The following CDH2 variants were observed in gnomAD, a reference collection of about 807,000 sequenced individuals.
The protein encoded by CDH2 is cadherin-2.
In CDH2, 17 loss-of-function variants were observed where a neutral mutation model predicts 92.0. The ratio of observed to expected loss-of-function variants is 0.18; its 90% CI spans 0.13 to 0.28. The LOEUF (loss-of-function observed/expected upper bound fraction) is 0.28. CDH2 is among the 10% of genes least tolerant of loss of function. The pLI, the probability that CDH2 is intolerant of heterozygous loss-of-function variation, is 1.00. For synonymous variants in CDH2, 419 were observed against 415.9 expected, an observed-to-expected ratio of 1.01 and a Z score of -0.09; for missense variants, 862 against 1,133.1, an observed-to-expected ratio of 0.76 and a Z score of 3.44.
At chr18:28,006,730 A>G (rs2144020116) in intron 5 of CDH2, among the ~76,000 whole-genome samples, 1 of 151,670 alleles carries the variant, frequency 6.6e-6, no homozygotes, top group South Asian at 2.1e-4. Context: ...AAAAAAAAAA[A>G]AAAAAAAGAA....
At position 27,993,483 on chromosome 18, in the gene CDH2, T is replaced by G. The variant is rs1453280717; in HGVS notation, c.1158+17A>C. 6.2e-7 allele frequency: 1 copy of G among 1,608,120 alleles called. No individual in the cohort carries two copies. Among genetic ancestry groups the G allele is most frequent in the East Asian group, 2.2e-5 (1 of 44,770 alleles). ...AACTACAGACCCAAAGTTGTGTGAG[T>G]GACAGGCTGTACTCACCGTCATGGC... On this transcript the variant is annotated intron_variant, in intron 8 of 15. Transcript: ENST00000269141.
chr18:28,122,673 A>T (rs746902073), intron 2 of CDH2, among the ~76,000 whole-genome samples: 3 of 152,182 alleles, frequency 2.0e-5, no homozygotes, highest in Non-Finnish European at 2.9e-5. Context: ...ATTATAAAAC[A>T]CTAAGAAATA....
intron 14 of CDH2, among the ~76,000 whole-genome samples, chr18:27,972,356 T>G (rs2011686788): frequency 6.6e-6 from 1 of 152,216 alleles, no homozygotes; most frequent in South Asian, 2.1e-4. Flanking sequence ...ACCTCCTGCC[T>G]GCTACAGACC....
rs1482058980 is a variant in CDH2 at position 28,050,073 on chromosome 18, G to A, written c.173-36164C>T. Among the ~76,000 whole-genome samples, 7 of 152,120 alleles carry A rather than the reference G, an allele frequency of 4.6e-5. No homozygotes were observed. In the East Asian group the frequency reaches 7.7e-4, roughly 17 times the overall value. ...AGCAGATCTAGACCAAATCTGCAGC[G>A]TGGATCTAAGCCCAGCCTGGATAAG... On this transcript the variant is annotated intron_variant, in intron 2 of 15. Coordinates refer to ENST00000269141, the MANE Select transcript of CDH2 (RefSeq NM_001792.5).
At chr18:27,982,563 G>C (rs2012089340) in intron 14 of CDH2, among the ~76,000 whole-genome samples, 1 of 152,098 alleles carries the variant, frequency 6.6e-6, no homozygotes, top group Admixed American at 6.5e-5. Flanking sequence ...GTAAATACTT[G>C]GGGAATAAAT....
intron 2 of CDH2, among the ~76,000 whole-genome samples, chr18:28,025,668 T>G (rs1362659331): frequency 6.6e-6 from 1 of 151,708 alleles, no homozygotes; most frequent in Non-Finnish European, 1.5e-5. Context: ...GGTGTTTTGA[T>G]ACATGTACAT....
chr18:28,115,788 C>T (rs2015487319), intron 2 of CDH2, among the ~76,000 whole-genome samples: 1 of 152,022 alleles, frequency 6.6e-6, no homozygotes, highest in East Asian at 1.9e-4. Flanking sequence ...GTGGAATATC[C>T]GCACTCTACT....
At chr18:28,160,000 T>C (rs767177723) in intron 1 of CDH2, among the ~76,000 whole-genome samples, 11 of 152,100 alleles carry the variant, frequency 7.2e-5, no homozygotes, top group Non-Finnish European at 1.5e-4. Context: ...CTTGATTGTG[T>C]AGGGTGGCTG....
chr18:27,953,966 T>C (rs899493207), intron 15 of CDH2, among the ~76,000 whole-genome samples: 2 of 152,186 alleles, frequency 1.3e-5, no homozygotes, highest in East Asian at 3.9e-4. Context: ...TGGCAGCTGC[T>C]TGACTCACGT....
In CDH2 at chr18:28,147,692, T is replaced by C. The variant is rs2016057600; in HGVS notation, c.153A>G (p.Glu51=). Residue 51 remains glutamate (E), a synonymous_variant, in exon 2 of 16, where the codon GAA becomes GAG. Transcript: ENST00000269141. ...TAGTACCATTGAGAAGAGGCTGTCCTTCATGCACATCCTTCGATAAGACTG... is the reference window on the plus strand; with the variant it reads ...TAGTACCATTGAGAAGAGGCTGTCCCTCATGCACATCCTTCGATAAGACTG... The part of the protein sequence containing the change: ...YSAVLSKDVH[E]GQPLLNVKFS... 1.2e-6 allele frequency: 2 copies of C among 1,605,150 alleles called. No homozygotes were observed. The highest frequency in any genetic ancestry group is 1.3e-5 in the African/African-American group (1 of 74,680).
intron 6 of CDH2, among the ~76,000 whole-genome samples, chr18:27,936,109 G>A (rs1909012384): frequency 6.6e-6 from 1 of 152,152 alleles, no homozygotes; most frequent in Non-Finnish European, 1.5e-5. Flanking sequence ...GAGTTGAAGG[G>A]ATAGACTCAA....
At chr18:28,114,479 GA>G (rs1023901692) in intron 2 of CDH2, among the ~76,000 whole-genome samples, 2 of 151,184 alleles carry the variant, frequency 1.3e-5, no homozygotes, top group East Asian at 1.9e-4. Context: ...TATCCAATCG[GA>G]AAAAAAAGTG....
intron 15 of CDH2, among the ~76,000 whole-genome samples, chr18:27,952,570 A>G (rs1337988408): frequency 6.6e-6 from 1 of 152,168 alleles, no homozygotes; most frequent in Admixed American, 6.5e-5. Context: ...GCAAAGAAAC[A>G]ACCCTAAGCA....
intron 6 of CDH2, among the ~76,000 whole-genome samples, chr18:27,939,486 A>G (rs1909088797): frequency 1.3e-5 from 2 of 152,286 alleles, no homozygotes; most frequent in South Asian, 4.1e-4. Context: ...CACTGCAGAC[A>G]CATTGAAAGT....
At chr18:28,027,541 AAAC>A in intron 2 of CDH2, among the ~76,000 whole-genome samples, 1 of 152,256 alleles carries the variant, frequency 6.6e-6, no homozygotes, top group African/African-American at 2.4e-5. Context: ...AAAAAAATCA[AAAC>A]AGCAGTAGGG....
chr18:28,125,575 C>T (rs2015663383), intron 2 of CDH2, among the ~76,000 whole-genome samples: 1 of 152,062 alleles, frequency 6.6e-6, no homozygotes, highest in Admixed American at 6.6e-5. Context: ...TACATGTAAA[C>T]ATTAAGCGTA....
intron 2 of CDH2, among the ~76,000 whole-genome samples, chr18:28,118,011 T>C (rs1041679089): frequency 5.9e-5 from 9 of 152,088 alleles, no homozygotes; most frequent in African/African-American, 2.2e-4. Flanking sequence ...CAAAGAGCAG[T>C]GATGTTCCAT....
chr18:28,087,939 C>T (rs1455853959), intron 2 of CDH2, among the ~76,000 whole-genome samples: 4 of 152,100 alleles, frequency 2.6e-5, no homozygotes, highest in Non-Finnish European at 4.4e-5. Flanking sequence ...TACTCTCTCC[C>T]GCCTCATTTT....
At chr18:28,044,205 G>A (rs1336203663) in intron 2 of CDH2, among the ~76,000 whole-genome samples, 8 of 152,240 alleles carry the variant, frequency 5.3e-5, no homozygotes, top group African/African-American at 9.6e-5. Context: ...GGGCCACCAC[G>A]CCCTGCTAGC....
Sources: gnomAD v4.1 joint callset for allele counts (sites outside exome capture counted in the v4.1 genomes callset) on GRCh38, gnomAD v4.1.1 for gene constraint, MANE v1.5 for transcripts, NCBI Gene and HGNC (gene_info 2026-07-23, HGNC 2026-07-21) for gene names.